The following FOXO3 variants were observed in gnomAD, a reference collection of about 807,000 sequenced individuals.
FOXO3 encodes the protein forkhead box protein O3.
Under a neutral mutation model 41.9 loss-of-function variants are expected in FOXO3, and 4 were observed. The ratio of observed to expected loss-of-function variants is 0.10; its 90% CI spans 0.05 to 0.22. FOXO3 has a LOEUF of 0.22. Among genes scored for constraint, FOXO3 ranks in the 10% least tolerant of loss-of-function variants. The pLI is 1.00. For synonymous variants in FOXO3, 318 were observed against 389.3 expected (o/e 0.82, Z 2.16); for missense variants, 534 against 906.8 (o/e 0.59, Z 5.28).
intron 1 of FOXO3, among the ~76,000 whole-genome samples, chr6:108,563,590 C>A: frequency 6.6e-6 from 1 of 152,192 alleles, no homozygotes; most frequent in Non-Finnish European, 1.5e-5. Flanking sequence ...ATTTCTCTCA[C>A]TTGAAATTTA....
chr6:108,625,956 A>G (rs1269266161), intron 1 of FOXO3, among the ~76,000 whole-genome samples: 1 of 152,162 alleles, frequency 6.6e-6, no homozygotes, highest in Non-Finnish European at 1.5e-5. Context: ...ATTGTGTCTG[A>G]ATTCAGCTGG....
At chr6:108,615,657 T>C (rs193199820) in intron 1 of FOXO3, among the ~76,000 whole-genome samples, 33 of 152,214 alleles carry the variant, frequency 2.2e-4, no homozygotes, top group African/African-American at 7.9e-4. Context: ...TCTTCAGATT[T>C]TTTTTCCATC....
chr6:108,585,492 C>T (rs572015254), intron 1 of FOXO3, among the ~76,000 whole-genome samples: 1 of 152,312 alleles, frequency 6.6e-6, no homozygotes, highest in South Asian at 2.1e-4. Context: ...GGATCAGGGC[C>T]TGGGGACCAG....
chr6:108,594,569 C>T (rs147905793), intron 1 of FOXO3, among the ~76,000 whole-genome samples: 11 of 152,280 alleles, frequency 7.2e-5, no homozygotes, highest in African/African-American at 2.2e-4. Flanking sequence ...CTTTACCTCC[C>T]GCTAATGCTT....
chr6:108,568,929 GC>G (rs57199647), intron 1 of FOXO3, among the ~76,000 whole-genome samples: 7,434 of 152,242 alleles, frequency 0.049, 308 homozygotes, highest in South Asian at 0.21. Context: ...TGACCTTGTT[GC>G]ATTAAGAGAA....
intron 1 of FOXO3, among the ~76,000 whole-genome samples, chr6:108,623,794 C>G (rs1462728745): frequency 6.6e-6 from 1 of 152,098 alleles, no homozygotes; most frequent in Admixed American, 6.6e-5. Context: ...GAGCCTTCCT[C>G]CTCTTATAAT....
rs926533843 is a variant in FOXO3 at position 108,645,555 on chromosome 6, C to T, written c.622-17900C>T. ...CCTCTTAGCTATAAATGTATTAAGT[C>T]CCTATCCTTAATGGCCTCCACATGA... On this transcript the variant is annotated intron_variant, in intron 1 of 2. Transcript: ENST00000406360. 3.9e-4 allele frequency among the ~76,000 whole-genome samples: 59 copies of T among 151,342 alleles called. 1 individual carries two copies. Among genetic ancestry groups the T allele is most frequent in the Admixed American group, 3.8e-3 (58 of 15,210 alleles).
chr6:108,605,919 CAA>C (rs1410884944), intron 1 of FOXO3, among the ~76,000 whole-genome samples: 6 of 152,128 alleles, frequency 3.9e-5, no homozygotes, highest in Non-Finnish European at 7.4e-5. Flanking sequence ...TCAAATCACT[CAA>C]AAGACCAAAA....
chr6:108,668,852 C>T (rs982274539), intron 2 of FOXO3, among the ~76,000 whole-genome samples: 6 of 152,252 alleles, frequency 3.9e-5, no homozygotes, highest in East Asian at 1.9e-4. Flanking sequence ...GAAGACCGGG[C>T]GCAGTGGCTC....
chr6:108,653,752 T>G (rs1020843888), intron 1 of FOXO3, among the ~76,000 whole-genome samples: 31 of 152,222 alleles, frequency 2.0e-4, no homozygotes, highest in African/African-American at 7.2e-4. Flanking sequence ...CCACACACAG[T>G]AAGTTTTCAA....
At chr6:108,661,565 A>C (rs1778866256) in intron 1 of FOXO3, among the ~76,000 whole-genome samples, 1 of 152,196 alleles carries the variant, frequency 6.6e-6, no homozygotes, top group South Asian at 2.1e-4. Context: ...TGTGTTTTAT[A>C]ATAGCAATAA....
At chr6:108,647,322 C>T (rs1238127759) in intron 1 of FOXO3, among the ~76,000 whole-genome samples, 3 of 152,218 alleles carry the variant, frequency 2.0e-5, no homozygotes, top group African/African-American at 7.2e-5. Context: ...TGCCACTCAG[C>T]CCAAACTGGG....
rs1187456944 is a variant in FOXO3 at position 108,575,388 on chromosome 6, AAAAAG to A, written c.621+13569_621+13573del. 2.9e-3 allele frequency among the ~76,000 whole-genome samples: 433 copies of A among 151,150 alleles called. 3 individuals carry two copies. The highest frequency in any genetic ancestry group is 9.4e-3 in the African/African-American group (382 of 40,768). ...ATTTTACTTAATACCTAAAAAAAAAAAAAAGAAAAGAAAAAAAAACCTCGATGTAA... is the reference window on the plus strand; with the variant it reads ...ATTTTACTTAATACCTAAAAAAAAAAAAAAGAAAAAAAAACCTCGATGTAA... On this transcript the variant is annotated intron_variant, in intron 1 of 2. Transcript: ENST00000406360.
intron 1 of FOXO3, among the ~76,000 whole-genome samples, chr6:108,654,820 G>A (rs1216564385): frequency 6.6e-6 from 1 of 151,760 alleles, no homozygotes; most frequent in Admixed American, 6.6e-5. Flanking sequence ...TTACATATCA[G>A]GTTGTTTGTG....
Position 108,674,701 on chromosome 6 carries a change from A to G in FOXO3, c.*35-5126A>G, listed in dbSNP as rs150358516. Among the ~76,000 whole-genome samples, 21 of 152,300 alleles carry G rather than the reference A, an allele frequency of 1.4e-4. 1 individual carries two copies. The East Asian group carries it at 3.9e-3, about 28-fold the overall frequency. On this transcript the variant is annotated intron_variant, in intron 2 of 2. Coordinates refer to ENST00000406360, the MANE Select transcript of FOXO3 (RefSeq NM_001455.4). ...GGCAAAGTGTCTTTGAACCTGACCCATCGGACAAGCGGAGGGTTTGTTCCC... is the reference window on the plus strand; with the variant it reads ...GGCAAAGTGTCTTTGAACCTGACCCGTCGGACAAGCGGAGGGTTTGTTCCC...
intron 1 of FOXO3, among the ~76,000 whole-genome samples, chr6:108,610,381 A>G (rs1245849776): frequency 6.6e-6 from 1 of 152,158 alleles, no homozygotes. Context: ...CTCACAAGAA[A>G]CTCAATAGAA....
At chr6:108,678,434 T>C (rs766549871) in intron 2 of FOXO3, among the ~76,000 whole-genome samples, 4 of 152,122 alleles carry the variant, frequency 2.6e-5, no homozygotes, top group Non-Finnish European at 4.4e-5. Context: ...CAAAGAATCT[T>C]ATGTCTGGAG....
chr6:108,633,662 A>G (rs1365662610), intron 1 of FOXO3, among the ~76,000 whole-genome samples: 3 of 152,158 alleles, frequency 2.0e-5, no homozygotes, highest in African/African-American at 7.2e-5. Context: ...ACATGGTGCT[A>G]GCACATTCTC....
chr6:108,670,172 T>C (rs1448219469), intron 2 of FOXO3, among the ~76,000 whole-genome samples: 1 of 152,082 alleles, frequency 6.6e-6, no homozygotes, highest in Non-Finnish European at 1.5e-5. Context: ...AGTGGGAGAA[T>C]GTTTGCTGAC....
Sources: allele counts gnomAD v4.1 joint callset (sites outside exome capture counted in the v4.1 genomes callset), GRCh38; gene constraint gnomAD v4.1.1; transcripts MANE v1.5; gene names NCBI Gene and HGNC (gene_info 2026-07-23, HGNC 2026-07-21).